NADK: variants seen among roughly 807,000 people sequenced by gnomAD.
NADK encodes poly(P)/ATP NAD kinase.
In NADK, 22 loss-of-function variants were observed where a neutral mutation model predicts 49.8. The observed-to-expected ratio is 0.44, with a 90% CI of 0.32 to 0.63. The LOEUF is 0.63. Among genes scored for constraint, NADK ranks in the 30% least tolerant of loss-of-function variants. The pLI is 0.06. For synonymous variants in NADK, 268 were observed against 253.7 expected (o/e 1.06, Z -0.54); for missense variants, 438 against 609.4 (o/e 0.72, Z 2.96).
chr1:1,769,930 G>A (rs1345915303), intron 1 of NADK, among the ~76,000 whole-genome samples: 1 of 151,676 alleles, frequency 6.6e-6, no homozygotes, highest in Non-Finnish European at 1.5e-5. Context: ...TACAAAAAAA[G>A]GGCTGGGAGC....
At chr1:1,758,234 G>T in intron 3 of NADK, 2 of 1,077,760 alleles carry the variant, frequency 1.9e-6, no homozygotes, top group Non-Finnish European at 2.6e-6. Flanking sequence ...CCTCTTCCCA[G>T]CAGTGACTTC....
chr1:1,753,398 T>G (rs911230964), intron 11 of NADK, among the ~76,000 whole-genome samples, 169 bp downstream of exon 11: 1 of 152,146 alleles, frequency 6.6e-6, no homozygotes, highest in Non-Finnish European at 1.5e-5. Flanking sequence ...TGCGACCCGC[T>G]GCCCCCAGGA....
Position 1,765,399 on chromosome 1 carries a change from A to G in NADK, c.8T>C (p.Met3Thr), listed in dbSNP as rs780271246. 6.3e-7 allele frequency: 1 copy of G among 1,594,958 alleles called. No homozygotes were observed. Among genetic ancestry groups the G allele is most frequent in the South Asian group, 1.1e-5 (1 of 87,678 alleles). The stretch of plus-strand genomic sequence containing the variant: ...ATTCATGGTCATTTTTTCTTGTTCC[A>G]TTTCCATTGTCAGGAAATGAGAACT... ME[M>T]EQEKMTMNKE... is the part of the protein sequence containing the mutation. The change falls in exon 2 of 12, where the codon ATG (methionine) becomes ACG (threonine). Residue 3 changes from methionine to threonine, a missense_variant. By Grantham distance (81) the Met-to-Thr change is moderately conservative. Transcript: ENST00000341426.
intron 1 of NADK, among the ~76,000 whole-genome samples, chr1:1,773,721 T>TGAGAGAGAGAGA (rs1646124631): frequency 1.5e-5 from 2 of 136,388 alleles, no homozygotes; most frequent in Non-Finnish European, 3.2e-5. Context: ...TGTGTGTGTG[T>TGAGAGAGAGAGA]GTGTGTGTGA....
chr1:1,756,847 G>T, intron 4 of NADK: 1 of 840,466 alleles, frequency 1.2e-6, no homozygotes, highest in Non-Finnish European at 2.1e-6. Flanking sequence ...TTCAGGAGTG[G>T]CTTTCCTGGG....
chr1:1,757,148 A>ACC, intron 4 of NADK, 33 bp downstream of exon 4: 10 of 859,192 alleles, frequency 1.2e-5, no homozygotes, highest in African/African-American at 1.8e-5. Flanking sequence ...CTCCATGTGC[A>ACC]CCCCAGGCCC....
chr1:1,763,345 G>A lies in NADK; in HGVS notation c.180-1310C>T, dbSNP rs1044708695. Reference sequence around the variant, plus strand: ...CAAAAATACAAAAAATTAGCCGGGCGTTGTGGCTCACGCCTGTAATCCCAG... The same window carrying A: ...CAAAAATACAAAAAATTAGCCGGGCATTGTGGCTCACGCCTGTAATCCCAG... On this transcript the variant is annotated intron_variant, in intron 2 of 11. Transcript: ENST00000341426. 1.8e-4 allele frequency among the ~76,000 whole-genome samples: 27 copies of A among 152,186 alleles called. 1 individual carries two copies. Among genetic ancestry groups the A allele is most frequent in the African/African-American group, 6.5e-4 (27 of 41,452 alleles).
chr1:1,778,112 G>A lies in NADK; in HGVS notation c.-41+177C>T, dbSNP rs1214598503. Among the ~76,000 whole-genome samples the A allele has an allele frequency of 6.6e-6, 1 of 152,186 alleles. No homozygotes were observed. The highest frequency in any genetic ancestry group is 1.5e-5 in the Non-Finnish European group (1 of 68,020). On this transcript the variant is annotated intron_variant, in intron 1 of 11. Coordinates refer to ENST00000341426, the MANE Select transcript of NADK (RefSeq NM_023018.5). This position sits in a 1 kb window ranked among gnomAD's most constrained non-coding sequence, Gnocchi z 4.9. ...AAGGCCGAGCCTCGCCCTGGGCCGTGCTGGTGCCCCATTCGGGACGGAGCG... is the reference window on the plus strand; with the variant it reads ...AAGGCCGAGCCTCGCCCTGGGCCGTACTGGTGCCCCATTCGGGACGGAGCG...
intron 3 of NADK, chr1:1,759,914 A>C: frequency 6.4e-7 from 1 of 1,550,522 alleles, no homozygotes; most frequent in Non-Finnish European, 8.7e-7. Context: ...TGCCAGGACC[A>C]GGAAGTGCAG....
intron 3 of NADK, chr1:1,759,158 C>G: frequency 6.4e-7 from 1 of 1,560,486 alleles, no homozygotes; most frequent in Non-Finnish European, 8.7e-7. Flanking sequence ...CCAGCCAGAG[C>G]CACCAGCAGC....
chr1:1,773,393 G>A (rs1202120485), intron 1 of NADK, among the ~76,000 whole-genome samples: 5 of 150,960 alleles, frequency 3.3e-5, no homozygotes, highest in Non-Finnish European at 5.9e-5. Flanking sequence ...CGCCCGCCTC[G>A]GCCTCCCAAA....
chr1:1,756,404 G>C, intron 5 of NADK, 61 bp from the exon 6 acceptor site: 1 of 1,606,174 alleles, frequency 6.2e-7, no homozygotes, highest in Non-Finnish European at 8.5e-7. Flanking sequence ...CTGTGGCGCA[G>C]TGCGCAGACA....
Position 1,759,581 on chromosome 1 carries a change from C to T in NADK, c.264-2271G>A, listed in dbSNP as rs138154380. ...TCTTGCTCTGGACTATCAGGGAAGA[C>T]GGAAGTTCAGATGCATGGGAAGCCC... On this transcript the variant is annotated intron_variant, in intron 3 of 11. Coordinates refer to ENST00000341426, the MANE Select transcript of NADK (RefSeq NM_023018.5). 2.4e-3 allele frequency among the ~76,000 whole-genome samples: 364 copies of T among 152,362 alleles called. 1 individual carries two copies. Among genetic ancestry groups the T allele is most frequent in the African/African-American group, 7.5e-3 (314 of 41,592 alleles).
chr1:1,762,519 G>C (rs958462298), intron 2 of NADK, among the ~76,000 whole-genome samples: 2 of 152,216 alleles, frequency 1.3e-5, no homozygotes, highest in African/African-American at 4.8e-5. Context: ...ACTTCAGGAG[G>C]CTGAGGTGGG....
chr1:1,774,667 C>CG (rs1273077729), intron 1 of NADK, among the ~76,000 whole-genome samples: 1 of 152,062 alleles, frequency 6.6e-6, no homozygotes, highest in Non-Finnish European at 1.5e-5. Flanking sequence ...GGCCACCGTG[C>CG]GCGGTCACCA....
At position 1,778,018 on chromosome 1, in the gene NADK, G is replaced by C. The variant is rs917818628; in HGVS notation, c.-41+271C>G. ...GAGGCGACTGACAAGCGCGGTCCGGGCTGGACGGCCCCACCTTCCCCGCCC... is the reference window on the plus strand; with the variant it reads ...GAGGCGACTGACAAGCGCGGTCCGGCCTGGACGGCCCCACCTTCCCCGCCC... On this transcript the variant is annotated intron_variant, in intron 1 of 11. Coordinates refer to ENST00000341426, the MANE Select transcript of NADK (RefSeq NM_023018.5). This position sits in a 1 kb window ranked among gnomAD's most constrained non-coding sequence, Gnocchi z 4.9. Among the ~76,000 whole-genome samples, 6 of 152,172 alleles carry C rather than the reference G, an allele frequency of 3.9e-5. No homozygotes were observed. Among genetic ancestry groups the C allele is most frequent in the African/African-American group, 7.2e-5 (3 of 41,442 alleles).
chr1:1,772,352 T>G (rs1646077929), intron 1 of NADK, among the ~76,000 whole-genome samples: 1 of 151,922 alleles, frequency 6.6e-6, no homozygotes, highest in Non-Finnish European at 1.5e-5. Flanking sequence ...TTTGTAGAGA[T>G]GAGGTTTTGC....
chr1:1,752,209 T>C lies in NADK; in HGVS notation c.*695A>G, dbSNP rs1645347428. 6.6e-6 allele frequency: 1 copy of C among 152,666 alleles called. No homozygotes were observed. Among genetic ancestry groups the C allele is most frequent in the South Asian group, 2.1e-4 (1 of 4,832 alleles). The allele number at this position is 152,666 out of a possible 1,614,324, so 9.5% of individuals were successfully genotyped here. On this transcript the variant is annotated 3_prime_UTR_variant, in exon 12 of 12. Coordinates refer to ENST00000341426, the MANE Select transcript of NADK (RefSeq NM_023018.5). ...ACTTCAGAAAGTTTAAAAGAGTCTC[T>C]AAAAAGTATATACAGGATTTAAACT...
At position 1,754,422 on chromosome 1, in the gene NADK, T is replaced by TAG. The variant is rs1395466796; in HGVS notation, c.844-40_844-39insCT. On this transcript the variant is annotated intron_variant, in intron 8 of 11. Transcript: ENST00000341426. This position sits in a 1 kb window ranked among gnomAD's most constrained non-coding sequence, Gnocchi z 4.3. ...AGCATTGCACACTCAGGGCGGGGGA[T>TAG]GCCGCACGGCTCGCAGACACCCTCC... 6.2e-7 allele frequency: 1 copy of TAG among 1,610,762 alleles called. No homozygotes were observed. Among genetic ancestry groups the TAG allele is most frequent in the Non-Finnish European group, 8.5e-7 (1 of 1,177,580 alleles).
Sources: gnomAD v4.1 joint callset for allele counts (sites outside exome capture counted in the v4.1 genomes callset) on GRCh38, gnomAD v4.1.1 for gene constraint, Gnocchi (gnomAD v3.1) non-coding constraint, MANE v1.5 for transcripts, NCBI Gene and HGNC (gene_info 2026-07-23, HGNC 2026-07-21) for gene names.